The following ATG4B variants were observed in gnomAD, a reference collection of about 807,000 sequenced individuals.
ATG4B encodes the protein cysteine protease ATG4B.
ATG4B carries 29 observed loss-of-function variants against 56.6 expected under a neutral mutation model. The ratio of observed to expected loss-of-function variants is 0.51; its 90% CI spans 0.38 to 0.70. ATG4B has a LOEUF of 0.70. Ranked by LOEUF, ATG4B falls within the 30% of genes least tolerant of loss-of-function variation. The pLI, the probability that ATG4B is intolerant of heterozygous loss-of-function variation, is 0.00. For synonymous variants in ATG4B, 224 were observed against 206.1 expected, an observed-to-expected ratio of 1.09 and a Z score of -0.74; for missense variants, 461 against 515.5, an observed-to-expected ratio of 0.89 and a Z score of 1.02.
chr2:241,654,150 T>C (rs1051230270), intron 4 of ATG4B, among the ~76,000 whole-genome samples: 25 of 152,148 alleles, frequency 1.6e-4, no homozygotes, highest in East Asian at 5.8e-4. Flanking sequence ...GGGCTGGGTG[T>C]GGTGGCTCAC....
chr2:241,652,264 G>A lies in ATG4B; in HGVS notation c.184+929G>A, dbSNP rs573991966. On this transcript the variant is annotated intron_variant, in intron 3 of 12. Coordinates refer to ENST00000404914, the MANE Select transcript of ATG4B (RefSeq NM_013325.5). Reference sequence around the variant, plus strand: ...AATAGTTGCTCATTCCACAGTTTCCGCTTGTTTCGCAGCTGCGCTGAACCT... The same window carrying A: ...AATAGTTGCTCATTCCACAGTTTCCACTTGTTTCGCAGCTGCGCTGAACCT... Among the ~76,000 whole-genome samples the A allele has an allele frequency of 2.1e-4, 32 of 152,338 alleles. 3 individuals are homozygous for A. In the South Asian group the frequency reaches 5.8e-3, roughly 28 times the overall value.
intron 8 of ATG4B, among the ~76,000 whole-genome samples, chr2:241,667,086 A>C (rs1575088382): frequency 6.6e-6 from 1 of 152,158 alleles, no homozygotes. Flanking sequence ...AGGCGCTTGC[A>C]GGGGGTCCTT....
At chr2:241,645,651 AC>A (rs1322725673) in intron 1 of ATG4B, among the ~76,000 whole-genome samples, 1 of 152,134 alleles carries the variant, frequency 6.6e-6, no homozygotes, top group East Asian at 1.9e-4. Context: ...GTGGGCTCAG[AC>A]TTCTGACTCC....
At chr2:241,663,476 C>G (rs943171794) in intron 7 of ATG4B, among the ~76,000 whole-genome samples, 1 of 152,124 alleles carries the variant, frequency 6.6e-6, no homozygotes, top group African/African-American at 2.4e-5. Context: ...TCAAAAAAGT[C>G]AAGTGTAGAG....
intron 7 of ATG4B, chr2:241,659,479 G>T: frequency 2.2e-6 from 1 of 446,060 alleles, no homozygotes; most frequent in Non-Finnish European, 4.5e-6. Context: ...GCTGTGCTTA[G>T]GCGCCCTCGT....
In ATG4B at chr2:241,668,922, C is replaced by T. The variant is rs560647242; in HGVS notation, c.957+237C>T. 2.0e-5 allele frequency: 12 copies of T among 588,698 alleles called. No homozygotes were observed. Among genetic ancestry groups the T allele is most frequent in the African/African-American group, 1.7e-4 (9 of 53,438 alleles). 36.5% of individuals were successfully genotyped at this position (588,698 alleles called of 1,614,324 possible). ...CATGGCCTTCGAGTGGCCCAGAGAGCGTGTGTCTGGATGTGAGCGTGTGTG... is the reference window on the plus strand; with the variant it reads ...CATGGCCTTCGAGTGGCCCAGAGAGTGTGTGTCTGGATGTGAGCGTGTGTG... On this transcript the variant is annotated intron_variant, in intron 10 of 12. Transcript: ENST00000404914. The surrounding 1 kb of genome is among the most constrained non-coding windows in gnomAD (Gnocchi z 4.2).
At chr2:241,643,364 ATTTTT>A (rs71049595) in intron 1 of ATG4B, among the ~76,000 whole-genome samples, 9 of 109,768 alleles carry the variant, frequency 8.2e-5, no homozygotes, top group Middle Eastern at 5.4e-3. Context: ...ACGCCTAGCT[ATTTTT>A]TTTTTTTTTT....
intron 1 of ATG4B, among the ~76,000 whole-genome samples, chr2:241,638,843 G>C (rs2067779755): frequency 6.6e-6 from 1 of 152,180 alleles, no homozygotes; most frequent in Non-Finnish European, 1.5e-5. Flanking sequence ...CGTCATTCAC[G>C]GTTGAACTAT....
chr2:241,649,041 T>C (rs1026129558), intron 1 of ATG4B, among the ~76,000 whole-genome samples: 1 of 152,228 alleles, frequency 6.6e-6, no homozygotes, highest in African/African-American at 2.4e-5. Context: ...ATGCTGAGGC[T>C]GTCCTGTTGT....
chr2:241,668,931 G>C lies in ATG4B; in HGVS notation c.957+246G>C, dbSNP rs1021656633. The C allele has an allele frequency of 1.1e-5, 6 of 567,206 alleles. No homozygotes were observed. Among genetic ancestry groups the C allele is most frequent in the Admixed American group, 6.6e-5 (2 of 30,310 alleles). 35.1% of individuals were successfully genotyped at this position (567,206 alleles called of 1,614,324 possible). The stretch of plus-strand genomic sequence containing the variant: ...CGAGTGGCCCAGAGAGCGTGTGTCT[G>C]GATGTGAGCGTGTGTGGGCGCGTGC... On this transcript the variant is annotated intron_variant, in intron 10 of 12. Coordinates refer to ENST00000404914, the MANE Select transcript of ATG4B (RefSeq NM_013325.5). This position sits in a 1 kb window ranked among gnomAD's most constrained non-coding sequence, Gnocchi z 4.2.
intron 1 of ATG4B, among the ~76,000 whole-genome samples, chr2:241,638,029 G>A (rs1389529234): frequency 2.0e-5 from 3 of 151,652 alleles, no homozygotes; most frequent in Non-Finnish European, 4.4e-5. Context: ...GCGCCAGGTC[G>A]GCCGTGGAGG....
chr2:241,653,387 T>TGGAGCTGATGGAGGAG (rs2125125699), intron 3 of ATG4B, 125 bp from the exon 4 acceptor site: 1 of 1,550,810 alleles, frequency 6.4e-7, no homozygotes, highest in Admixed American at 2.0e-5. Flanking sequence ...TTGCCCCAGG[T>TGGAGCTGATGGAGGAG]GGAGCTGATG....
intron 1 of ATG4B, among the ~76,000 whole-genome samples, chr2:241,650,083 C>G (rs1345056376): frequency 6.6e-6 from 1 of 152,202 alleles, no homozygotes; most frequent in East Asian, 1.9e-4. Flanking sequence ...TGTGCCTGGC[C>G]TAGTTTCTTA....
intron 1 of ATG4B, among the ~76,000 whole-genome samples, chr2:241,642,400 AAGT>A (rs1216605922): frequency 1.3e-5 from 2 of 152,196 alleles, no homozygotes; most frequent in South Asian, 2.1e-4. Context: ...ATTTAAAAAA[AAGT>A]AGTAATCATA....
intron 6 of ATG4B, among the ~76,000 whole-genome samples, chr2:241,656,025 T>A (rs537372140): frequency 1.3e-5 from 2 of 152,244 alleles, no homozygotes; most frequent in African/African-American, 4.8e-5. Context: ...CCCCAGGACT[T>A]GTCCCCTCAG....
At chr2:241,645,167 C>G (rs1191140579) in intron 1 of ATG4B, among the ~76,000 whole-genome samples, 2 of 152,092 alleles carry the variant, frequency 1.3e-5, no homozygotes, top group Non-Finnish European at 2.9e-5. Context: ...TTCCTGTCCT[C>G]CAGCATGAGA....
chr2:241,639,921 A>G (rs2067833672), intron 1 of ATG4B, among the ~76,000 whole-genome samples: 1 of 152,228 alleles, frequency 6.6e-6, no homozygotes, highest in Admixed American at 6.5e-5. Context: ...CTGTGGATTT[A>G]TCCGAGACTC....
chr2:241,640,541 G>C (rs375330657), intron 1 of ATG4B, among the ~76,000 whole-genome samples: 1 of 152,224 alleles, frequency 6.6e-6, no homozygotes. Flanking sequence ...ACTAGGACTA[G>C]AGAAGTAACA....
intron 10 of ATG4B, among the ~76,000 whole-genome samples, chr2:241,669,928 G>A (rs1452826065): frequency 6.6e-6 from 1 of 152,206 alleles, no homozygotes; most frequent in Non-Finnish European, 1.5e-5. Flanking sequence ...AGTCAGGTCA[G>A]GCTAGAGAGC....
Sources: gnomAD v4.1 joint callset for allele counts (sites outside exome capture counted in the v4.1 genomes callset) on GRCh38, gnomAD v4.1.1 for gene constraint, Gnocchi (gnomAD v3.1) non-coding constraint, MANE v1.5 for transcripts, NCBI Gene and HGNC (gene_info 2026-07-23, HGNC 2026-07-21) for gene names.